PEX14: variants seen among roughly 807,000 people sequenced by gnomAD.
The protein encoded by PEX14 is peroxisomal membrane protein PEX14.
A neutral mutation model predicts 49.5 loss-of-function variants in PEX14; 15 were observed. The observed-to-expected ratio is 0.30, with a 90% confidence interval of 0.20 to 0.47. PEX14 has a LOEUF of 0.47. PEX14 is among the 20% of genes least tolerant of loss of function. The pLI, the probability that PEX14 is intolerant of heterozygous loss-of-function variation, is 1.00. For missense variants in PEX14, 398 were observed against 494.8 expected (o/e 0.80, Z 1.86); for synonymous variants, 210 against 212.7 (o/e 0.99, Z 0.11).
At chr1:10,546,818 G>A (rs1158480193) in intron 3 of PEX14, among the ~76,000 whole-genome samples, 5 of 151,636 alleles carry the variant, frequency 3.3e-5, no homozygotes, top group African/African-American at 9.7e-5. Context: ...GCAGTGAGCC[G>A]AGATTGCGCC....
chr1:10,523,990 G>A (rs1378518370), intron 2 of PEX14, among the ~76,000 whole-genome samples: 2 of 152,086 alleles, frequency 1.3e-5, no homozygotes, highest in African/African-American at 2.4e-5. Context: ...GGAGTTTTTA[G>A]CCATCAGGTT....
chr1:10,476,967 C>G lies in PEX14; in HGVS notation c.36+1965C>G, dbSNP rs144248668. Among the ~76,000 whole-genome samples, 13 of 152,258 alleles carry G rather than the reference C, an allele frequency of 8.5e-5. 1 individual carries two copies. The East Asian group carries it at 2.3e-3, about 27-fold the overall frequency. ...GTCCTTTAAGGGGGCATGGCCATCACTTGTTTGATTTTCAGCTCTGCTTCT... is the reference window on the plus strand; with the variant it reads ...GTCCTTTAAGGGGGCATGGCCATCAGTTGTTTGATTTTCAGCTCTGCTTCT... On this transcript the variant is annotated intron_variant, in intron 1 of 8. Transcript: ENST00000356607.
Position 10,603,539 on chromosome 1 carries a change from CAGTTCAGG to C in PEX14, c.298+4176_298+4183del, listed in dbSNP as rs140825784. Among the ~76,000 whole-genome samples the C allele has an allele frequency of 9.8e-3, 1,487 of 152,078 alleles. 23 individuals are homozygous for C. Among genetic ancestry groups the C allele is most frequent in the Non-Finnish European group, 0.016 (1,091 of 67,958 alleles). On this transcript the variant is annotated intron_variant, in intron 4 of 8. Transcript: ENST00000356607. ...CTCGGGGGCTAGAAGAAAGTTGGTA[CAGTTCAGG>C]AGAAGTCAGGCTGTGATTCGAGAGA...
rs918901232 is a variant in PEX14 at position 10,618,334 on chromosome 1, C to T, written c.301C>T (p.Pro101Ser). ...PPHLISQPYS[P>S]AGSRWRDYGA... The stretch of plus-strand genomic sequence containing the variant: ...CCTCCTCCTCTTCCCGCCTGTAGGT[C>T]CCGCAGGCTCCCGATGGCGAGATTA... Residue 101 changes from proline (P) to serine (S), a missense_variant and splice_region_variant, in exon 5 of 9, where the codon CCC becomes TCC. Transcript: ENST00000356607. The T allele has an allele frequency of 2.5e-6, 4 of 1,613,688 alleles. No homozygotes were observed. Among genetic ancestry groups the T allele is most frequent in the Admixed American group, 3.3e-5 (2 of 60,038 alleles).
rs535907051 is a variant in PEX14, at chr1:10,586,714, A to G, written c.170-12524A>G. 1.8e-3 allele frequency among the ~76,000 whole-genome samples: 234 copies of G among 130,628 alleles called. 1 individual carries two copies. Among genetic ancestry groups the G allele is most frequent in the African/African-American group, 5.8e-3 (200 of 34,258 alleles). 85.7% of individuals were successfully genotyped at this position (130,628 alleles called of 152,430 possible). On this transcript the variant is annotated intron_variant, in intron 3 of 8. Transcript: ENST00000356607. ...GAGTGCAGTGGCGTGATCTCTGCTC[A>G]CTGCAAGCTCCACCTCCTGGGTTCA...
At chr1:10,516,417 GCCGTGGGACCTTGAGAA>G (rs1641971376) in intron 2 of PEX14, among the ~76,000 whole-genome samples, 1 of 152,214 alleles carries the variant, frequency 6.6e-6, no homozygotes, top group Non-Finnish European at 1.5e-5. Context: ...CACTAGGTTT[GCCGTGGGACCTTGAGAA>G]ACGGTTATCA....
intron 3 of PEX14, among the ~76,000 whole-genome samples, chr1:10,593,452 G>A (rs1475869455): frequency 6.6e-6 from 1 of 152,088 alleles, no homozygotes; most frequent in South Asian, 2.1e-4. Context: ...AGAGGGGAAA[G>A]TCTCAGGTCT....
At chr1:10,577,574 T>G (rs1477875161) in intron 3 of PEX14, among the ~76,000 whole-genome samples, 29 of 7,356 alleles carry the variant, frequency 3.9e-3, no homozygotes, top group African/African-American at 0.014. Flanking sequence ...TTTTTTTTTT[T>G]TTTTTTTTTT....
intron 7 of PEX14, 127 bp from the exon 8 acceptor site, chr1:10,627,145 C>A (rs1340029062): frequency 1.3e-6 from 1 of 752,476 alleles, no homozygotes; most frequent in East Asian, 2.5e-5. Flanking sequence ...GCAGAACCTT[C>A]CCCCGGGTTC....
chr1:10,603,869 T>G (rs1641055716), intron 4 of PEX14, among the ~76,000 whole-genome samples: 1 of 152,248 alleles, frequency 6.6e-6, no homozygotes, highest in Non-Finnish European at 1.5e-5. Context: ...GACCTAGAGC[T>G]TCAGTTGCTT....
intron 2 of PEX14, among the ~76,000 whole-genome samples, chr1:10,507,629 C>T (rs892832980): frequency 1.6e-4 from 24 of 152,120 alleles, no homozygotes; most frequent in African/African-American, 5.1e-4. Context: ...GGGCAGCAGC[C>T]GCTTGTTGTT....
rs1310757942 is a variant in PEX14 at position 10,628,929 on chromosome 1, C to T, written c.678-602C>T. 6.6e-6 allele frequency among the ~76,000 whole-genome samples: 1 copy of T among 152,198 alleles called. No homozygotes were observed. The highest frequency in any genetic ancestry group is 2.4e-5 in the African/African-American group (1 of 41,452). ...TTTGGGCTGGCTGCTGGCCCAGGAA[C>T]GGAGTACGGAGCAGAAGGGAGAGCT... On this transcript the variant is annotated intron_variant, in intron 8 of 8. Transcript: ENST00000356607. This position sits in a 1 kb window ranked among gnomAD's most constrained non-coding sequence, Gnocchi z 4.5.
chr1:10,580,295 A>T (rs1217375847), intron 3 of PEX14, among the ~76,000 whole-genome samples: 2 of 151,924 alleles, frequency 1.3e-5, no homozygotes, highest in African/African-American at 4.8e-5. Flanking sequence ...CACCATCTCA[A>T]CTCACTGCAA....
chr1:10,522,940 A>G (rs1200065946), intron 2 of PEX14, among the ~76,000 whole-genome samples: 1 of 152,248 alleles, frequency 6.6e-6, no homozygotes, highest in African/African-American at 2.4e-5. Context: ...TTGTCATTTT[A>G]GATGAACGTG....
intron 3 of PEX14, among the ~76,000 whole-genome samples, chr1:10,552,847 C>T (rs1014734010): frequency 6.6e-6 from 1 of 152,038 alleles, no homozygotes; most frequent in African/African-American, 2.4e-5. Context: ...GGAGGAGGTC[C>T]CCTTTATCCG....
At chr1:10,547,394 T>C (rs944191) in intron 3 of PEX14, among the ~76,000 whole-genome samples, 30,980 of 152,032 alleles carry the variant, frequency 0.2, 3,330 homozygotes, top group East Asian at 0.33. Context: ...CTAATTCCCA[T>C]CCAGAACTCT....
chr1:10,478,918 T>A (rs1332459357), intron 1 of PEX14, among the ~76,000 whole-genome samples: 2 of 151,794 alleles, frequency 1.3e-5, no homozygotes, highest in African/African-American at 2.4e-5. Context: ...GCTATTTTTT[T>A]TTTATTTCAT....
chr1:10,583,693 T>G (rs964922806), intron 3 of PEX14, among the ~76,000 whole-genome samples: 3 of 152,114 alleles, frequency 2.0e-5, no homozygotes, highest in Non-Finnish European at 4.4e-5. Context: ...AGGATTCTTC[T>G]TAGGAATTTG....
rs1299078687 is a variant in PEX14 at position 10,628,494 on chromosome 1, G to A, written c.678-1037G>A. On this transcript the variant is annotated intron_variant, in intron 8 of 8. Coordinates refer to ENST00000356607, the MANE Select transcript of PEX14 (RefSeq NM_004565.3). This position sits in a 1 kb window ranked among gnomAD's most constrained non-coding sequence, Gnocchi z 4.5. ...ATTTTCCAAGCCACCCAACTTCCCG[G>A]TTTTCCCTGAGGAAAAGAACATGTC... is the stretch of plus-strand genomic sequence containing the variant. Among the ~76,000 whole-genome samples, 1 of 152,260 alleles carries A rather than the reference G, an allele frequency of 6.6e-6. No homozygotes were observed. The highest frequency in any genetic ancestry group is 1.9e-4 in the East Asian group (1 of 5,194).
Sources: gnomAD v4.1 joint callset for allele counts (sites outside exome capture counted in the v4.1 genomes callset) on GRCh38, gnomAD v4.1.1 for gene constraint, Gnocchi (gnomAD v3.1) non-coding constraint, MANE v1.5 for transcripts, NCBI Gene and HGNC (gene_info 2026-07-23, HGNC 2026-07-21) for gene names.